USF3: variants seen among roughly 807,000 people sequenced by gnomAD.
The protein encoded by USF3 is upstream transcription factor family member 3, also known as basic helix-loop-helix domain-containing protein USF3.
A neutral mutation model predicts 157.5 loss-of-function variants in USF3; 29 were observed. The ratio of observed to expected loss-of-function variants is 0.18; its 90% CI spans 0.14 to 0.25. The LOEUF is 0.25. Among genes scored for constraint, USF3 ranks in the 10% least tolerant of loss-of-function variants. The pLI is 1.00. For synonymous variants in USF3, 893 were observed against 941.4 expected, an observed-to-expected ratio of 0.95 and a Z score of 0.94; for missense variants, 2,381 against 2,667.6, an observed-to-expected ratio of 0.89 and a Z score of 2.37.
At chr3:113,689,361 C>G (rs935640020) in intron 1 of USF3, among the ~76,000 whole-genome samples, 1 of 152,188 alleles carries the variant, frequency 6.6e-6, no homozygotes, top group Non-Finnish European at 1.5e-5. Context: ...TGACTTTCTT[C>G]CATTTCCCCC....
intron 6 of USF3, among the ~76,000 whole-genome samples, chr3:113,662,857 T>A (rs1947508205): frequency 6.6e-6 from 1 of 151,942 alleles, no homozygotes; most frequent in South Asian, 2.1e-4. Flanking sequence ...CACTTTTAGA[T>A]GTGAGAAACA....
At chr3:113,691,649 G>C (rs1439336662) in intron 1 of USF3, among the ~76,000 whole-genome samples, 1 of 152,158 alleles carries the variant, frequency 6.6e-6, no homozygotes, top group Non-Finnish European at 1.5e-5. Flanking sequence ...GGATCCTTAT[G>C]ATCCTGGGAG....
intron 5 of USF3, among the ~76,000 whole-genome samples, chr3:113,664,887 GA>G (rs1485129815): frequency 6.6e-6 from 1 of 152,212 alleles, no homozygotes; most frequent in Non-Finnish European, 1.5e-5. Flanking sequence ...AGAAGAGACA[GA>G]GATGATCTCT....
rs1947276682 is a variant in USF3, at chr3:113,652,220, C to T, written c.*2724G>A. ...GGAGAGAGGGAAATGAATAGCCAAACACATGGAAAACTGTCCTTCTTGAAA... is the reference window on the plus strand; with the variant it reads ...GGAGAGAGGGAAATGAATAGCCAAATACATGGAAAACTGTCCTTCTTGAAA... On this transcript the variant is annotated 3_prime_UTR_variant, in exon 7 of 7. Transcript: ENST00000316407. The T allele has an allele frequency of 6.6e-6, 1 of 151,986 alleles. No individual in the cohort carries two copies. The highest frequency in any genetic ancestry group is 1.5e-5 in the Non-Finnish European group (1 of 68,000). The allele number at this position is 151,986 out of a possible 1,614,324, so 9.4% of individuals were successfully genotyped here. A position where few individuals can be genotyped will look rare whatever the true frequency, so the allele number is the denominator to read the frequency against.
In USF3 at chr3:113,661,347, G is replaced by A; in HGVS notation, c.335C>T (p.Ala112Val). 6.2e-7 allele frequency: 1 copy of A among 1,607,232 alleles called. No individual in the cohort carries two copies. The highest frequency in any genetic ancestry group is 8.5e-7 in the Non-Finnish European group (1 of 1,177,246). The change falls in exon 7 of 7, where the codon GCT (alanine) becomes GTT (valine). Residue 112 changes from alanine to valine, a missense_variant. Physicochemically the swap from Ala to Val is moderately conservative, Grantham distance 64. Coordinates refer to ENST00000316407, the MANE Select transcript of USF3 (RefSeq NM_001009899.4). ...GTCATCATATAAGCATATGTCATTA[G>A]CTTTCAGTAATTCAATATATCGGCC... ...ENGRYIELLK[A>V]NDICLYDDPT...
chr3:113,660,184 A>T lies in USF3; in HGVS notation c.1498T>A (p.Ser500Thr). Residue 500 changes from serine (S) to threonine (T), a missense_variant, in exon 7 of 7, where the codon TCT becomes ACT. Transcript: ENST00000316407. ...PVEQVVVTLP[S>T]CPSLPMQPLI... ...GGCTGCATAGGTAAAGATGGACAAG[A>T]AGGCAATGTTACAACTACTTGCTCA... The T allele has an allele frequency of 6.2e-7, 1 of 1,614,144 alleles. No homozygotes were observed. The highest frequency in any genetic ancestry group is 8.5e-7 in the Non-Finnish European group (1 of 1,180,028).
intron 2 of USF3, among the ~76,000 whole-genome samples, chr3:113,676,047 A>G (rs1456730880): frequency 6.6e-6 from 1 of 152,196 alleles, no homozygotes; most frequent in Non-Finnish European, 1.5e-5. Flanking sequence ...ATTTTGGTCA[A>G]AATCATTCAA....
At chr3:113,672,811 T>C (rs1483541518) in intron 4 of USF3, among the ~76,000 whole-genome samples, 1 of 152,228 alleles carries the variant, frequency 6.6e-6, no homozygotes, top group Non-Finnish European at 1.5e-5. Flanking sequence ...AAATTCCAAA[T>C]GTATGCACAA....
At position 113,660,023 on chromosome 3, in the gene USF3, T is replaced by C. The variant is rs1408437108; in HGVS notation, c.1659A>G (p.Ile553Met). The C allele has an allele frequency of 2.5e-6, 4 of 1,614,054 alleles. No homozygotes were observed. Among genetic ancestry groups the C allele is most frequent in the Non-Finnish European group, 3.4e-6 (4 of 1,180,030 alleles). ...GGGTGGTGCTAGGTGGCTGAAGAAT[T>C]ATAACATTTTGATTAGTTGGAGCTG... ...VNSAPTNQNV[I>M]ILQPPSTTPC... Residue 553 changes from isoleucine to methionine, a missense_variant, in exon 7 of 7, where the codon ATA becomes ATG. Ile to Met is a conservative substitution (Grantham distance 10, BLOSUM62 1). Coordinates refer to ENST00000316407, the MANE Select transcript of USF3 (RefSeq NM_001009899.4).
chr3:113,688,189 G>A (rs886341338), intron 1 of USF3, among the ~76,000 whole-genome samples: 1 of 151,956 alleles, frequency 6.6e-6, no homozygotes, highest in African/African-American at 2.4e-5. Flanking sequence ...CACGATCTTG[G>A]CTCTGTGCAA....
intron 1 of USF3, among the ~76,000 whole-genome samples, chr3:113,690,617 T>A (rs2107964227): frequency 6.6e-6 from 1 of 152,318 alleles, no homozygotes; most frequent in South Asian, 2.1e-4. Context: ...GTGCGCCTTA[T>A]CAGCTACTTC....
chr3:113,696,397 T>TGGCGGCGGC lies in USF3; in HGVS notation c.-171_-163dup, dbSNP rs1199774272. ...GCCGGCTGCGCGGTCTCGGCCGCGG[T>TGGCGGCGGC]GGCGGCGGCGACGGCGGCGACCCCC... is the stretch of plus-strand genomic sequence containing the variant. On this transcript the variant is annotated 5_prime_UTR_variant, in exon 1 of 7. Transcript: ENST00000316407. 7.1e-6 allele frequency: 1 copy of TGGCGGCGGC among 141,460 alleles called. No homozygotes were observed. Among genetic ancestry groups the TGGCGGCGGC allele is most frequent in the Non-Finnish European group, 1.5e-5 (1 of 65,722 alleles). 8.8% of individuals were successfully genotyped at this position (141,460 alleles called of 1,614,324 possible).
In USF3 at chr3:113,657,624, C is replaced by G; in HGVS notation, c.4058G>C (p.Arg1353Thr). ...RQKHCQPAPL[R>T]LESMSLMSRT... ...GCTCATCAGGGACATACTTTCAAGC[C>G]TGAGGGGGGCTGGCTGACAGTGCTT... The change falls in exon 7 of 7, where the codon AGG becomes ACG. Residue 1353 changes from arginine to threonine, a missense_variant. This residue lies in a region of USF3 where 1,435 missense variants were observed against 1,550.9 expected (regional missense o/e 0.93). Coordinates refer to ENST00000316407, the MANE Select transcript of USF3 (RefSeq NM_001009899.4). 1 of 1,614,164 alleles carries G rather than the reference C, an allele frequency of 6.2e-7. No homozygotes were observed. Among genetic ancestry groups the G allele is most frequent in the Non-Finnish European group, 8.5e-7 (1 of 1,180,030 alleles).
intron 1 of USF3, among the ~76,000 whole-genome samples, chr3:113,686,774 T>A (rs979296462): frequency 1.3e-5 from 2 of 152,246 alleles, no homozygotes; most frequent in African/African-American, 4.8e-5. Context: ...TTATTCTTTT[T>A]GTTACTTAAC....
chr3:113,650,460 C>T lies in USF3; in HGVS notation c.*4484G>A, dbSNP rs1360944876. ...TTTCAAGGCAAAGGAGTAATCATCT[C>T]GCTAAGGAAATGACTGGCTTCCCTG... On this transcript the variant is annotated 3_prime_UTR_variant, in exon 7 of 7. Transcript: ENST00000316407. 1 of 152,200 alleles carries T rather than the reference C, an allele frequency of 6.6e-6. No homozygotes were observed. Among genetic ancestry groups the T allele is most frequent in the East Asian group, 1.9e-4 (1 of 5,204 alleles). 9.4% of individuals were successfully genotyped at this position (152,200 alleles called of 1,614,324 possible).
chr3:113,648,818 A>G lies in USF3; in HGVS notation c.*6126T>C, dbSNP rs1947209737. 1 of 152,550 alleles carries G rather than the reference A, an allele frequency of 6.6e-6. No individual in the cohort carries two copies. Among genetic ancestry groups the G allele is most frequent in the African/African-American group, 2.4e-5 (1 of 41,436 alleles). The allele number at this position is 152,550 out of a possible 1,614,324, so 9.4% of individuals were successfully genotyped here. A position where few individuals can be genotyped will look rare whatever the true frequency, so the allele number is the denominator to read the frequency against. On this transcript the variant is annotated 3_prime_UTR_variant, in exon 7 of 7. Transcript: ENST00000316407. ...AGTAAGCTTCTCACCCAGTGTATCT[A>G]TAAATAATTTGTGAAGGTAATTATG...
At chr3:113,675,003 T>C (rs530508173) in intron 2 of USF3, 107 bp from the exon 3 acceptor site, 71 of 728,066 alleles carry the variant, frequency 9.8e-5, no homozygotes, top group South Asian at 9.0e-4. Flanking sequence ...AAAAATAAAA[T>C]TGACATTGAA....
intron 4 of USF3, among the ~76,000 whole-genome samples, chr3:113,671,982 G>A (rs559891297): frequency 6.6e-5 from 10 of 151,320 alleles, no homozygotes; most frequent in African/African-American, 1.7e-4. Context: ...TGTTGCCCAC[G>A]CTGGTTTTGA....
chr3:113,655,442 A>G lies in USF3; in HGVS notation c.6240T>C (p.Asn2080=). The G allele has an allele frequency of 6.2e-7, 1 of 1,614,184 alleles. No individual in the cohort carries two copies. The highest frequency in any genetic ancestry group is 8.5e-7 in the Non-Finnish European group (1 of 1,180,024). ...GAGTAACCTGTGGAATGAAAGAAGC[A>G]TTAGCATTTATTGGTGGATTCATGC... ...EGGMNPPINA[N]ASFIPQVTQP... is the part of the protein sequence containing the mutation. The change falls in exon 7 of 7, where the codon AAT becomes AAC. Residue 2080 remains asparagine (N), a synonymous_variant. Transcript: ENST00000316407.
Sources: gnomAD v4.1 joint callset for allele counts (sites outside exome capture counted in the v4.1 genomes callset) on GRCh38, gnomAD v4.1.1 for gene constraint, gnomAD v4.1.1 regional missense constraint, MANE v1.5 for transcripts, NCBI Gene and HGNC (gene_info 2026-07-23, HGNC 2026-07-21) for gene names.